Variants in NBEA observed in about 807,000 individuals in gnomAD.
NBEA encodes the protein lysosomal-trafficking regulator 2.
A neutral mutation model predicts 343.4 loss-of-function variants in NBEA; 44 were observed. The observed-to-expected ratio is 0.13, with a 90% CI of 0.10 to 0.16. The LOEUF (loss-of-function observed/expected upper bound fraction) is 0.16. Among genes scored for constraint, NBEA ranks in the 10% least tolerant of loss-of-function variants. The pLI, the probability that NBEA is intolerant of heterozygous loss-of-function variation, is 1.00. For synonymous variants in NBEA, 1,175 were observed against 1,238.7 expected, an observed-to-expected ratio of 0.95 and a Z score of 1.08; for missense variants, 2,555 against 3,631.3, an observed-to-expected ratio of 0.70 and a Z score of 7.62.
At chr13:35,409,337 A>G (rs1193299650) in intron 38 of NBEA, among the ~76,000 whole-genome samples, 4 of 152,052 alleles carry the variant, frequency 2.6e-5, no homozygotes, top group Non-Finnish European at 5.9e-5. Context: ...ACTGGGGCCT[A>G]TATGAGAGTG....
In NBEA at chr13:35,001,834, C is replaced by T. The variant is rs979527774; in HGVS notation, c.295-39099C>T. The stretch of plus-strand genomic sequence containing the variant: ...ATTTTGAATATTTCCAACACAAAGA[C>T]GTGAAAAATGTTGAAAGTGATAGAT... On this transcript the variant is annotated intron_variant, in intron 1 of 58. Transcript: ENST00000379939. 1.4e-4 allele frequency among the ~76,000 whole-genome samples: 21 copies of T among 151,910 alleles called. No individual in the cohort carries two copies. In the East Asian group the frequency reaches 1.5e-3, roughly 11 times the overall value.
intron 1 of NBEA, among the ~76,000 whole-genome samples, chr13:34,982,140 A>C (rs954453904): frequency 3.9e-5 from 6 of 151,990 alleles, no homozygotes; most frequent in Non-Finnish European, 7.4e-5. Context: ...GATTAGCTTT[A>C]TGAGGTGAAA....
chr13:35,058,263 A>G (rs927947676), intron 7 of NBEA, among the ~76,000 whole-genome samples: 7 of 152,168 alleles, frequency 4.6e-5, no homozygotes, highest in Non-Finnish European at 1.0e-4. Flanking sequence ...GTAGAGGAAT[A>G]GATTTGTAAT....
intron 1 of NBEA, among the ~76,000 whole-genome samples, chr13:34,976,462 G>C (rs756392826): frequency 5.3e-5 from 8 of 152,058 alleles, no homozygotes; most frequent in African/African-American, 1.9e-4. Flanking sequence ...ACTGCACATG[G>C]GGTACAGTGT....
chr13:35,313,498 G>C (rs1259801147), intron 36 of NBEA, among the ~76,000 whole-genome samples: 1 of 152,200 alleles, frequency 6.6e-6, no homozygotes, highest in East Asian at 1.9e-4. Context: ...GTTTAAGGAA[G>C]AATGTATGGT....
intron 1 of NBEA, among the ~76,000 whole-genome samples, chr13:34,974,535 A>G (rs1257651991): frequency 2.6e-5 from 4 of 152,178 alleles, no homozygotes; most frequent in African/African-American, 9.6e-5. Flanking sequence ...GACTATTTTA[A>G]TAGGGATAGA....
chr13:35,144,376 A>C (rs748442269), intron 18 of NBEA, among the ~76,000 whole-genome samples: 6 of 152,174 alleles, frequency 3.9e-5, no homozygotes, highest in South Asian at 4.2e-4. Context: ...GGTGCTGGTG[A>C]GTGTGTGATT....
intron 46 of NBEA, among the ~76,000 whole-genome samples, chr13:35,589,130 C>G (rs1055315063): frequency 6.6e-6 from 1 of 152,024 alleles, no homozygotes; most frequent in Non-Finnish European, 1.5e-5. Flanking sequence ...ATGAGAAATA[C>G]TTAACCAAGA....
intron 36 of NBEA, among the ~76,000 whole-genome samples, chr13:35,338,677 A>G (rs1404675383): frequency 6.6e-6 from 1 of 152,090 alleles, no homozygotes; most frequent in East Asian, 1.9e-4. Context: ...ACAAACCGGT[A>G]TCTACCACGC....
chr13:35,481,287 C>T (rs575980333), intron 41 of NBEA, among the ~76,000 whole-genome samples: 1 of 151,864 alleles, frequency 6.6e-6, no homozygotes, highest in East Asian at 1.9e-4. Flanking sequence ...AATTGACCAC[C>T]GCTGCTTGAT....
chr13:35,322,750 A>G (rs1020534058), intron 36 of NBEA, among the ~76,000 whole-genome samples: 1 of 152,228 alleles, frequency 6.6e-6, no homozygotes, highest in Admixed American at 6.5e-5. Flanking sequence ...GATGATAAAT[A>G]AAATGTTATT....
At chr13:35,264,939 A>G (rs1467152469) in intron 34 of NBEA, among the ~76,000 whole-genome samples, 1 of 151,876 alleles carries the variant, frequency 6.6e-6, no homozygotes, top group Non-Finnish European at 1.5e-5. Context: ...GAAAAAAAAA[A>G]TGTTAAATTG....
At chr13:35,309,632 A>G (rs1220512147) in intron 36 of NBEA, 40 bp downstream of exon 36, 6 of 1,196,012 alleles carry the variant, frequency 5.0e-6, no homozygotes, top group South Asian at 1.5e-5. Flanking sequence ...GTCAGTGTAC[A>G]TTTTATTCCA....
intron 13 of NBEA, among the ~76,000 whole-genome samples, chr13:35,114,094 G>A (rs929029992): frequency 2.0e-5 from 3 of 152,258 alleles, no homozygotes; most frequent in Admixed American, 6.5e-5. Context: ...GGTGGATATG[G>A]TTTTTAGAAA....
chr13:34,964,966 A>T (rs1593300347), intron 1 of NBEA, among the ~76,000 whole-genome samples: 1 of 152,044 alleles, frequency 6.6e-6, no homozygotes, highest in African/African-American at 2.4e-5. Flanking sequence ...GCAATGACTT[A>T]TCTAGGAAAC....
chr13:35,601,765 AAAAAAAAAAAAAAAAAAAAAG>A (rs1215602359), intron 47 of NBEA, among the ~76,000 whole-genome samples: 19 of 104,628 alleles, frequency 1.8e-4, no homozygotes, highest in Middle Eastern at 0.011. Context: ...CCATCGCAAA[AAAAAAAAAAAAAAAAAAAAAG>A]AAAAAAAAAA....
At chr13:35,074,213 C>T (rs889799511) in intron 10 of NBEA, among the ~76,000 whole-genome samples, 1 of 151,938 alleles carries the variant, frequency 6.6e-6, no homozygotes, top group African/African-American at 2.4e-5. Flanking sequence ...TAGAATGACT[C>T]AAGAAATTAA....
intron 10 of NBEA, among the ~76,000 whole-genome samples, chr13:35,096,302 G>A (rs1306620071): frequency 1.3e-5 from 2 of 150,944 alleles, no homozygotes; most frequent in Non-Finnish European, 3.0e-5. Context: ...TTCAATTGGT[G>A]TCCTGGTTAA....
chr13:35,357,980 A>G (rs931874856), intron 38 of NBEA, among the ~76,000 whole-genome samples: 4 of 152,186 alleles, frequency 2.6e-5, no homozygotes, highest in Admixed American at 2.0e-4. Flanking sequence ...AACTTCTAAT[A>G]TATAGTTGTA....
Sources: allele counts gnomAD v4.1 joint callset (sites outside exome capture counted in the v4.1 genomes callset), GRCh38; gene constraint gnomAD v4.1.1; transcripts MANE v1.5; gene names NCBI Gene and HGNC (gene_info 2026-07-23, HGNC 2026-07-21).